The following NOS1AP variants were observed in gnomAD, a reference collection of about 807,000 sequenced individuals.
NOS1AP encodes carboxyl-terminal PDZ ligand of neuronal nitric oxide synthase protein.
In NOS1AP, 21 loss-of-function variants were observed where a neutral mutation model predicts 56.2. The ratio of observed to expected loss-of-function variants is 0.37; its 90% CI spans 0.26 to 0.54. The LOEUF (loss-of-function observed/expected upper bound fraction) is 0.54, where lower values mean the gene tolerates loss of function less well. NOS1AP is among the 20% of genes least tolerant of loss of function. The pLI, the probability that NOS1AP is intolerant of heterozygous loss-of-function variation, is 0.84. For missense variants in NOS1AP, 522 were observed against 657.8 expected (o/e 0.79, Z 2.26); for synonymous variants, 270 against 274.6 (o/e 0.98, Z 0.17).
intron 1 of NOS1AP, among the ~76,000 whole-genome samples, chr1:162,120,316 G>A (rs1156611676): frequency 6.6e-6 from 1 of 152,092 alleles, no homozygotes; most frequent in East Asian, 1.9e-4. Context: ...GCTCACAATT[G>A]AGGAATTTTT....
intron 2 of NOS1AP, among the ~76,000 whole-genome samples, chr1:162,210,403 TTCTG>T (rs1286268277): frequency 6.6e-6 from 1 of 152,208 alleles, no homozygotes; most frequent in South Asian, 2.1e-4. Flanking sequence ...CCCTGCCACC[TTCTG>T]TCTATCTCCC....
At chr1:162,176,988 C>T (rs1397971696) in intron 2 of NOS1AP, among the ~76,000 whole-genome samples, 4 of 152,166 alleles carry the variant, frequency 2.6e-5, no homozygotes. Flanking sequence ...GGAGAATCTG[C>T]CTCATTTGAG....
chr1:162,291,580 C>G (rs1423517071), intron 3 of NOS1AP, among the ~76,000 whole-genome samples: 1 of 151,956 alleles, frequency 6.6e-6, no homozygotes, highest in African/African-American at 2.4e-5. Context: ...AGGATTTGTT[C>G]AGGTGACTGT....
At position 162,298,332 on chromosome 1, in the gene NOS1AP, C is replaced by T. The variant is rs558289243; in HGVS notation, c.271-2301C>T. On this transcript the variant is annotated intron_variant, in intron 3 of 9. Coordinates refer to ENST00000361897, the MANE Select transcript of NOS1AP (RefSeq NM_014697.3). Reference sequence around the variant, plus strand: ...GTCTGTGGAGAAGCTACACTTCCACCACTGACCTGCAGTCATGAAGCCACT... The same window carrying T: ...GTCTGTGGAGAAGCTACACTTCCACTACTGACCTGCAGTCATGAAGCCACT... 2.1e-4 allele frequency among the ~76,000 whole-genome samples: 32 copies of T among 152,336 alleles called. No homozygotes were observed. The East Asian group carries it at 5.0e-3, about 24-fold the overall frequency.
intron 2 of NOS1AP, among the ~76,000 whole-genome samples, chr1:162,215,026 GGC>G (rs1376176710): frequency 6.6e-6 from 1 of 152,174 alleles, no homozygotes; most frequent in Non-Finnish European, 1.5e-5. Flanking sequence ...ATATTCCTCT[GGC>G]TTCACCCCAA....
intron 6 of NOS1AP, among the ~76,000 whole-genome samples, chr1:162,350,797 G>C (rs1275554768): frequency 8.2e-6 from 1 of 122,604 alleles, no homozygotes; most frequent in African/African-American, 2.9e-5. Flanking sequence ...TGTATCCTTT[G>C]ACCTACATCT....
At chr1:162,314,050 G>A (rs1404874088) in intron 4 of NOS1AP, among the ~76,000 whole-genome samples, 1 of 152,132 alleles carries the variant, frequency 6.6e-6, no homozygotes, top group Admixed American at 6.5e-5. Context: ...CGACAAAGCT[G>A]GGGCAGCCTT....
Position 162,305,057 on chromosome 1 carries a change from G to T in NOS1AP, c.344+4351G>T, listed in dbSNP as rs1408371796. Among the ~76,000 whole-genome samples the T allele has an allele frequency of 2.6e-5, 4 of 151,994 alleles. No homozygotes were observed. The East Asian group carries it at 7.7e-4, about 29-fold the overall frequency. On this transcript the variant is annotated intron_variant, in intron 4 of 9. Transcript: ENST00000361897. ...GAATGAATTTTTAATTTTTTATTAA[G>T]TCAAATTTTTTATTTAAATCTTTTG... is the stretch of plus-strand genomic sequence containing the variant.
At chr1:162,131,955 G>A (rs1648770120) in intron 1 of NOS1AP, among the ~76,000 whole-genome samples, 1 of 152,140 alleles carries the variant, frequency 6.6e-6, no homozygotes, top group African/African-American at 2.4e-5. Flanking sequence ...TATTTAATGG[G>A]ATTGTCACCA....
chr1:162,208,840 T>C (rs760336051), intron 2 of NOS1AP, among the ~76,000 whole-genome samples: 3 of 152,260 alleles, frequency 2.0e-5, no homozygotes, highest in Non-Finnish European at 4.4e-5. Flanking sequence ...GTTTACTCCA[T>C]CTGCTCAGCT....
chr1:162,281,251 A>G (rs568983085), intron 2 of NOS1AP, among the ~76,000 whole-genome samples: 1 of 152,366 alleles, frequency 6.6e-6, no homozygotes, highest in East Asian at 1.9e-4. Context: ...TGGAATCCAG[A>G]TTTTAATAAT....
intron 6 of NOS1AP, among the ~76,000 whole-genome samples, chr1:162,353,201 A>C (rs541714808): frequency 6.6e-6 from 1 of 152,020 alleles, no homozygotes; most frequent in African/African-American, 2.4e-5. Context: ...CCTCCATACT[A>C]TATCTAGAGT....
intron 1 of NOS1AP, among the ~76,000 whole-genome samples, chr1:162,137,360 G>A (rs554061405): frequency 6.6e-5 from 10 of 152,228 alleles, no homozygotes; most frequent in Non-Finnish European, 1.0e-4. Flanking sequence ...TTGATTTGCC[G>A]TTTGCTTGCA....
chr1:162,182,825 G>T (rs987041641), intron 2 of NOS1AP, among the ~76,000 whole-genome samples: 5 of 152,070 alleles, frequency 3.3e-5, no homozygotes, highest in Non-Finnish European at 7.4e-5. Flanking sequence ...TAGTTCTCTT[G>T]CTATTTCTGT....
chr1:162,338,390 T>C (rs1657005345), intron 5 of NOS1AP, among the ~76,000 whole-genome samples: 2 of 152,222 alleles, frequency 1.3e-5, no homozygotes, highest in African/African-American at 4.8e-5. Context: ...CTTCATCTGG[T>C]ATTTTGTACT....
intron 1 of NOS1AP, among the ~76,000 whole-genome samples, chr1:162,120,687 G>GCC (rs199511855): frequency 6.6e-6 from 1 of 151,594 alleles, no homozygotes; most frequent in African/African-American, 2.4e-5. Context: ...TGGGGGAACC[G>GCC]CCCCCCCCAT....
chr1:162,342,941 T>C (rs551466740), intron 5 of NOS1AP, among the ~76,000 whole-genome samples: 1 of 152,348 alleles, frequency 6.6e-6, no homozygotes, highest in African/African-American at 2.4e-5. Flanking sequence ...TGCTGAGCCC[T>C]TCCCAGCCTG....
At chr1:162,164,528 C>T (rs140237339) in intron 2 of NOS1AP, among the ~76,000 whole-genome samples, 220 of 152,250 alleles carry the variant, frequency 1.4e-3, no homozygotes, top group East Asian at 4.4e-3. Context: ...TCTGTTTTCC[C>T]GTAGCCCTTG....
chr1:162,353,608 C>T (rs1657596873), intron 6 of NOS1AP, among the ~76,000 whole-genome samples: 3 of 152,320 alleles, frequency 2.0e-5, no homozygotes, highest in African/African-American at 7.2e-5. Context: ...TTTTAGGAAA[C>T]ATGAATGAGA....
Sources: gnomAD v4.1 joint callset for allele counts (sites outside exome capture counted in the v4.1 genomes callset) on GRCh38, gnomAD v4.1.1 for gene constraint, MANE v1.5 for transcripts, NCBI Gene and HGNC (gene_info 2026-07-23, HGNC 2026-07-21) for gene names.